ZNG1A: variants seen among roughly 807,000 people sequenced by gnomAD.
ZNG1A encodes Zn regulated GTPase metalloprotein activator 1A.
At chr9:173,956 G>A in the ZNG1A span, among the ~76,000 whole-genome samples, 17 of 152,022 alleles carry the variant, frequency 1.1e-4, no homozygotes, top group African/African-American at 3.9e-4. Context: ...GACCATCCTC[G>A]CTAACACAAT....
chr9:160,515 A>G, the ZNG1A span, among the ~76,000 whole-genome samples: 1 of 151,722 alleles, frequency 6.6e-6, no homozygotes, highest in East Asian at 1.9e-4. Flanking sequence ...GTGTAGGTAT[A>G]TTGATTTAAT....
At chr9:154,553 T>C in the ZNG1A span, 1 of 616,694 alleles carries the variant, frequency 1.6e-6, no homozygotes, top group Non-Finnish European at 2.8e-6. Flanking sequence ...ACCATTTATA[T>C]AACAATTAGC....
At chr9:172,845 A>G in the ZNG1A span, 54 of 244,316 alleles carry the variant, frequency 2.2e-4, no homozygotes, top group Non-Finnish European at 3.9e-4. Context: ...TCTAGGGTCT[A>G]TGGTAGACTA....
chr9:173,394 T>C, the ZNG1A span: 4 of 1,604,472 alleles, frequency 2.5e-6, no homozygotes, highest in Non-Finnish European at 3.4e-6. Flanking sequence ...CAGCACTCTT[T>C]AGCTTATGTC....
chr9:141,440 T>A, the ZNG1A span, among the ~76,000 whole-genome samples: 1 of 150,034 alleles, frequency 6.7e-6, no homozygotes, highest in African/African-American at 2.5e-5. Flanking sequence ...CCAGCCAAAC[T>A]AAGCTTCATA....
At chr9:164,059 C>G in the ZNG1A span, 1 of 1,559,628 alleles carries the variant, frequency 6.4e-7, no homozygotes, top group Non-Finnish European at 8.6e-7. Context: ...TAATATTCAT[C>G]AAATAAAAAT....
the ZNG1A span, among the ~76,000 whole-genome samples, chr9:141,803 C>T: frequency 0.1 from 8,822 of 85,204 alleles, 280 homozygotes; most frequent in African/African-American, 0.22. Flanking sequence ...ACCCATCTCA[C>T]GTGCAGAGAC....
chr9:167,328 AAGAGAAAACATTGGACAAAGAAATCC>A, the ZNG1A span: 4 of 151,366 alleles, frequency 2.6e-5, no homozygotes, highest in African/African-American at 9.8e-5. Context: ...TCCTAATAAA[AAGAGAAAACATTGGACAAAGAAATCC>A]AGCCAATCAA....
the ZNG1A span, among the ~76,000 whole-genome samples, chr9:159,081 AT>A: frequency 6.6e-6 from 1 of 151,154 alleles, no homozygotes; most frequent in Admixed American, 6.6e-5. Flanking sequence ...GTATAAGTAA[AT>A]GAAGAAAAAA....
chr9:150,273 C>T, the ZNG1A span: 2 of 170,416 alleles, frequency 1.2e-5, no homozygotes, highest in Admixed American at 7.0e-5. Flanking sequence ...ACTACAGGCG[C>T]CCACCACCAG....
the ZNG1A span, among the ~76,000 whole-genome samples, chr9:139,708 A>C: frequency 6.6e-6 from 1 of 151,704 alleles, no homozygotes; most frequent in African/African-American, 2.4e-5. Flanking sequence ...CCAGCGTGAG[A>C]GACGCAGAAG....
chr9:141,973 A>G, the ZNG1A span, among the ~76,000 whole-genome samples: 2 of 149,476 alleles, frequency 1.3e-5, no homozygotes, highest in South Asian at 2.1e-4. Flanking sequence ...AAAGGGATCA[A>G]TTCAACAAGA....
the ZNG1A span, among the ~76,000 whole-genome samples, chr9:143,591 C>G: frequency 1.2e-3 from 148 of 125,370 alleles, 1 homozygote; most frequent in South Asian, 2.8e-3. Flanking sequence ...CAATATCATA[C>G]TGAATGGGCA....
chr9:140,109 C>T, the ZNG1A span, among the ~76,000 whole-genome samples: 1 of 150,796 alleles, frequency 6.6e-6, no homozygotes, highest in East Asian at 1.9e-4. Context: ...ATTGCCCAGG[C>T]TTGATTAGGT....
At chr9:140,771 G>A in the ZNG1A span, among the ~76,000 whole-genome samples, 14 of 151,548 alleles carry the variant, frequency 9.2e-5, no homozygotes, top group Non-Finnish European at 1.5e-5. Context: ...CAAACCAAAG[G>A]CAAAGAAGTT....
the ZNG1A span, among the ~76,000 whole-genome samples, chr9:158,471 T>C: frequency 2.0e-5 from 3 of 150,742 alleles, no homozygotes; most frequent in Non-Finnish European, 2.9e-5. Flanking sequence ...ACGTATGAAA[T>C]TGCGGTTATT....
At chr9:142,956 A>C in the ZNG1A span, among the ~76,000 whole-genome samples, 7 of 138,174 alleles carry the variant, frequency 5.1e-5, no homozygotes, top group Non-Finnish European at 1.1e-4. Context: ...GAAATGGATA[A>C]ATTCCTTGAC....
chr9:164,836 A>G, the ZNG1A span, among the ~76,000 whole-genome samples: 2 of 152,158 alleles, frequency 1.3e-5, no homozygotes, highest in Non-Finnish European at 2.9e-5. Flanking sequence ...TCCAGCGTCT[A>G]AAGCTGTCCA....
chr9:168,761 G>A, the ZNG1A span, among the ~76,000 whole-genome samples: 33,768 of 146,868 alleles, frequency 0.23, 4,813 homozygotes, highest in Non-Finnish European at 0.27. Flanking sequence ...TAAGAATTAT[G>A]CTAAATCTCC....
Sources: gnomAD v4.1 joint callset for allele counts (sites outside exome capture counted in the v4.1 genomes callset) on GRCh38, gnomAD v4.1.1 for gene constraint, MANE v1.5 for transcripts, NCBI Gene and HGNC (gene_info 2026-07-23, HGNC 2026-07-21) for gene names.